The following OPCML variants were observed in gnomAD, a reference collection of about 807,000 sequenced individuals.
The protein encoded by OPCML is opioid-binding protein/cell adhesion molecule.
A neutral mutation model predicts 37.8 loss-of-function variants in OPCML; 13 were observed. That is an observed-to-expected ratio of 0.34 (90% CI 0.22 to 0.55). The LOEUF (loss-of-function observed/expected upper bound fraction) is 0.55, where lower values mean the gene tolerates loss of function less well. OPCML is among the 20% of genes least tolerant of loss of function. The pLI is 0.91. For synonymous variants in OPCML, 176 were observed against 168.8 expected, an observed-to-expected ratio of 1.04 and a Z score of -0.33; for missense variants, 341 against 435.6, an observed-to-expected ratio of 0.78 and a Z score of 1.93.
chr11:132,822,128 G>C (rs777477442), intron 2 of OPCML, among the ~76,000 whole-genome samples: 1 of 152,104 alleles, frequency 6.6e-6, no homozygotes, highest in African/African-American at 2.4e-5. Context: ...GGAGACACCC[G>C]TGATACACTC....
intron 1 of OPCML, among the ~76,000 whole-genome samples, chr11:133,141,150 G>A (rs1193688844): frequency 2.0e-5 from 3 of 151,564 alleles, no homozygotes; most frequent in African/African-American, 7.3e-5. Context: ...GCCTCCTGGA[G>A]TGAAATGACC....
At chr11:132,445,315 G>A (rs1184639978) in intron 4 of OPCML, among the ~76,000 whole-genome samples, 2 of 152,206 alleles carry the variant, frequency 1.3e-5, no homozygotes, top group Admixed American at 6.5e-5. Flanking sequence ...TGATGGAAGT[G>A]TTTAATGCCC....
chr11:133,289,594 C>CAAAAAAAAAAAAAAAAAAA (rs1229577687), intron 1 of OPCML, among the ~76,000 whole-genome samples: 3 of 52,290 alleles, frequency 5.7e-5, no homozygotes, highest in African/African-American at 2.2e-4. Context: ...GACTCCATCT[C>CAAAAAAAAAAAAAAAAAAA]AAAAAAAAAA....
intron 1 of OPCML, among the ~76,000 whole-genome samples, chr11:133,324,487 A>G (rs1388173244): frequency 1.3e-5 from 2 of 152,246 alleles, no homozygotes; most frequent in Non-Finnish European, 1.5e-5. Flanking sequence ...GAAGTTGTCT[A>G]GAACGTCTAG....
chr11:132,903,891 C>T (rs998436485), intron 2 of OPCML, among the ~76,000 whole-genome samples: 3 of 152,110 alleles, frequency 2.0e-5, no homozygotes, highest in African/African-American at 7.2e-5. Context: ...TAATGGTTGA[C>T]GAAATTGGCG....
At chr11:132,646,140 G>A (rs1318163352) in intron 3 of OPCML, among the ~76,000 whole-genome samples, 2 of 152,088 alleles carry the variant, frequency 1.3e-5, no homozygotes. Flanking sequence ...TACTGCTCAG[G>A]TGATGGGTGC....
intron 2 of OPCML, among the ~76,000 whole-genome samples, chr11:132,662,867 T>C (rs1000555346): frequency 3.3e-5 from 5 of 152,244 alleles, no homozygotes; most frequent in Non-Finnish European, 7.3e-5. Context: ...AACAAGTCTT[T>C]TAAACCAGCC....
chr11:133,463,711 G>T (rs1407840812), intron 1 of OPCML, among the ~76,000 whole-genome samples: 1 of 151,908 alleles, frequency 6.6e-6, no homozygotes, highest in Non-Finnish European at 1.5e-5. Flanking sequence ...GCGCCCAACT[G>T]GGTACTTCGA....
intron 1 of OPCML, among the ~76,000 whole-genome samples, chr11:133,188,704 T>C (rs1938187880): frequency 6.6e-6 from 1 of 152,146 alleles, no homozygotes; most frequent in Admixed American, 6.5e-5. Context: ...ATCTTCCCTT[T>C]TGTTATTCTA....
intron 1 of OPCML, among the ~76,000 whole-genome samples, chr11:133,530,823 C>T (rs1948590841): frequency 6.6e-6 from 1 of 152,196 alleles, no homozygotes; most frequent in Non-Finnish European, 1.5e-5. Flanking sequence ...TTGATCCTCT[C>T]TTCTTTCTCC....
At chr11:132,791,220 A>C (rs147442795) in intron 2 of OPCML, among the ~76,000 whole-genome samples, 1 of 152,136 alleles carries the variant, frequency 6.6e-6, no homozygotes, top group Non-Finnish European at 1.5e-5. Flanking sequence ...GCTGGGGAAG[A>C]CTTGCCACAT....
chr11:132,592,789 T>C (rs1029910406), intron 3 of OPCML, among the ~76,000 whole-genome samples: 1 of 152,188 alleles, frequency 6.6e-6, no homozygotes, highest in African/African-American at 2.4e-5. Flanking sequence ...AAATCACAAA[T>C]GATTGATGAC....
At chr11:133,207,212 A>G (rs1373497947) in intron 1 of OPCML, among the ~76,000 whole-genome samples, 2 of 151,928 alleles carry the variant, frequency 1.3e-5, no homozygotes, top group Non-Finnish European at 2.9e-5. Flanking sequence ...AGGCAGGAGA[A>G]TGGCGTGAAC....
Position 132,697,527 on chromosome 11 carries a change from C to A in OPCML, c.147-40208G>T, listed in dbSNP as rs149293218. Among the ~76,000 whole-genome samples, 1,455 of 152,226 alleles carry A rather than the reference C, an allele frequency of 9.6e-3. 19 individuals are homozygous for A. The highest frequency in any genetic ancestry group is 0.033 in the African/African-American group (1,384 of 41,536). ...GATTCTACATATAAGTGAGATCATG[C>A]AAAATTTTGTCTTCCTATGCCCGCT... On this transcript the variant is annotated intron_variant, in intron 2 of 7. Transcript: ENST00000524381.
At chr11:133,248,552 G>T (rs544139122) in intron 1 of OPCML, among the ~76,000 whole-genome samples, 9 of 152,338 alleles carry the variant, frequency 5.9e-5, no homozygotes, top group East Asian at 1.9e-4. Context: ...GTGTTAAATT[G>T]TTTCCCTGCA....
At chr11:132,537,558 C>G (rs2096344164) in intron 3 of OPCML, among the ~76,000 whole-genome samples, 1 of 152,136 alleles carries the variant, frequency 6.6e-6, no homozygotes, top group African/African-American at 2.4e-5. Context: ...GCACAAGCAA[C>G]AGCAGAAAAA....
chr11:132,528,318 T>A (rs1365812281), intron 4 of OPCML, among the ~76,000 whole-genome samples: 1 of 152,208 alleles, frequency 6.6e-6, no homozygotes, highest in Admixed American at 6.5e-5. Context: ...GAATGTTTAA[T>A]GCCTGAGGAA....
chr11:132,423,758 C>T (rs1484208454), intron 7 of OPCML, among the ~76,000 whole-genome samples: 1 of 152,156 alleles, frequency 6.6e-6, no homozygotes, highest in East Asian at 1.9e-4. Context: ...CCCATGGCCT[C>T]GGGGCTCACG....
At chr11:133,279,336 T>C (rs556429932) in intron 1 of OPCML, among the ~76,000 whole-genome samples, 3 of 152,310 alleles carry the variant, frequency 2.0e-5, no homozygotes, top group Non-Finnish European at 4.4e-5. Flanking sequence ...AAATGCCTGA[T>C]GCTGCTCTCT....
Sources: gnomAD v4.1 joint callset for allele counts (sites outside exome capture counted in the v4.1 genomes callset) on GRCh38, gnomAD v4.1.1 for gene constraint, MANE v1.5 for transcripts, NCBI Gene and HGNC (gene_info 2026-07-23, HGNC 2026-07-21) for gene names.